Variants in CALN1 observed in about 807,000 individuals in gnomAD.
CALN1 encodes the protein calcium-binding protein 8.
Under a neutral mutation model 30.6 loss-of-function variants are expected in CALN1, and 17 were observed. That is an observed-to-expected ratio of 0.56 (90% CI 0.38 to 0.83). The LOEUF is 0.83. CALN1 is among the 40% of genes least tolerant of loss of function. The pLI is 0.00. For synonymous variants in CALN1, 156 were observed against 131.4 expected (o/e 1.19, Z -1.28); for missense variants, 291 against 354.9 (o/e 0.82, Z 1.45).
chr7:71,947,833 G>C (rs564119426), intron 5 of CALN1, among the ~76,000 whole-genome samples: 1 of 151,664 alleles, frequency 6.6e-6, no homozygotes, highest in African/African-American at 2.4e-5. Flanking sequence ...CCAGCTACTC[G>C]GGAGGCTGAG....
intron 4 of CALN1, among the ~76,000 whole-genome samples, chr7:72,024,695 G>C (rs763245362): frequency 1.3e-5 from 2 of 152,006 alleles, no homozygotes; most frequent in Admixed American, 1.3e-4. Flanking sequence ...CACCATGCCC[G>C]GCCTGAACAG....
At chr7:72,441,529 CAG>C (rs1808342515) in intron 1 of CALN1, among the ~76,000 whole-genome samples, 1 of 140,898 alleles carries the variant, frequency 7.1e-6, no homozygotes. Context: ...ACCCAGGAGG[CAG>C]AGTTTGCAGT....
intron 2 of CALN1, among the ~76,000 whole-genome samples, chr7:72,388,569 G>A (rs973243287): frequency 2.6e-5 from 4 of 152,102 alleles, no homozygotes; most frequent in African/African-American, 9.7e-5. Context: ...TGGGGATATG[G>A]GCACTCTGTG....
chr7:72,294,321 G>A (rs1016139036), intron 2 of CALN1, among the ~76,000 whole-genome samples: 1 of 152,154 alleles, frequency 6.6e-6, no homozygotes, highest in African/African-American at 2.4e-5. Context: ...AAAAAACATT[G>A]AAGTACAGTG....
At chr7:71,843,789 T>C (rs1451584826) in intron 5 of CALN1, among the ~76,000 whole-genome samples, 2 of 152,204 alleles carry the variant, frequency 1.3e-5, no homozygotes, top group African/African-American at 4.8e-5. Context: ...GTATGCTAAA[T>C]GCCAGCAGCC....
At chr7:72,218,831 AAGG>A (rs1298712303) in intron 3 of CALN1, among the ~76,000 whole-genome samples, 1 of 152,180 alleles carries the variant, frequency 6.6e-6, no homozygotes, top group African/African-American at 2.4e-5. Flanking sequence ...TTTTCCTCTG[AAGG>A]AGAAGTGCCT....
chr7:71,986,157 C>T (rs1761630591), intron 5 of CALN1, among the ~76,000 whole-genome samples: 1 of 152,086 alleles, frequency 6.6e-6, no homozygotes, highest in Admixed American at 6.5e-5. Context: ...AAGCAATTCT[C>T]CTGCGTCAGC....
chr7:72,279,460 C>T (rs1797586723), intron 2 of CALN1, among the ~76,000 whole-genome samples: 1 of 152,204 alleles, frequency 6.6e-6, no homozygotes, highest in East Asian at 1.9e-4. Flanking sequence ...CTGCTGGAAA[C>T]AGGAGTGACG....
intron 1 of CALN1, among the ~76,000 whole-genome samples, chr7:72,411,418 G>A (rs529133246): frequency 5.3e-5 from 8 of 152,228 alleles, no homozygotes; most frequent in Non-Finnish European, 8.8e-5. Context: ...AGAGAAAAGA[G>A]CTGTAAATAT....
intron 3 of CALN1, among the ~76,000 whole-genome samples, chr7:72,208,600 G>A (rs183756632): frequency 3.2e-3 from 485 of 152,322 alleles, no homozygotes; most frequent in Middle Eastern, 6.8e-3. Flanking sequence ...TTCCACCTGG[G>A]TGGCAGAATG....
chr7:72,217,466 T>C (rs1486325336), intron 3 of CALN1, among the ~76,000 whole-genome samples: 3 of 152,172 alleles, frequency 2.0e-5, no homozygotes, highest in Non-Finnish European at 2.9e-5. Context: ...TCACCGCTTC[T>C]ATAGCAACCA....
intron 5 of CALN1, among the ~76,000 whole-genome samples, chr7:71,940,341 C>T (rs996487442): frequency 6.6e-6 from 1 of 152,158 alleles, no homozygotes; most frequent in South Asian, 2.1e-4. Context: ...GGCTGACTTA[C>T]TAGCCATTAA....
chr7:71,798,305 T>C (rs1037185474), intron 6 of CALN1, among the ~76,000 whole-genome samples: 6 of 127,288 alleles, frequency 4.7e-5, no homozygotes, highest in Non-Finnish European at 9.1e-5. Flanking sequence ...ACCCAAACTA[T>C]ATTTTATTTA....
chr7:71,989,325 C>A (rs1293551425), intron 5 of CALN1, among the ~76,000 whole-genome samples: 1 of 152,042 alleles, frequency 6.6e-6, no homozygotes, highest in Admixed American at 6.6e-5. Flanking sequence ...GTAGTCCCAG[C>A]TACTCAGGAG....
chr7:72,367,709 C>CACAG (rs1282034471), intron 2 of CALN1, among the ~76,000 whole-genome samples: 3 of 148,652 alleles, frequency 2.0e-5, no homozygotes, highest in Non-Finnish European at 3.0e-5. Flanking sequence ...GTGGCACACG[C>CACAG]CTGTGGTCCC....
chr7:72,324,693 T>C (rs1484572333), intron 2 of CALN1, among the ~76,000 whole-genome samples: 1 of 152,070 alleles, frequency 6.6e-6, no homozygotes, highest in Admixed American at 6.6e-5. Flanking sequence ...GTGATTCTCC[T>C]GCCTCAGCCT....
intron 3 of CALN1, among the ~76,000 whole-genome samples, chr7:72,222,158 A>G (rs1433574045): frequency 6.6e-6 from 1 of 151,990 alleles, no homozygotes; most frequent in Non-Finnish European, 1.5e-5. Flanking sequence ...CCTGAGAGGC[A>G]GAGATTGCAG....
intron 1 of CALN1, among the ~76,000 whole-genome samples, chr7:72,429,381 C>T (rs755940428): frequency 6.6e-6 from 1 of 152,092 alleles, no homozygotes; most frequent in Non-Finnish European, 1.5e-5. Flanking sequence ...TCGAAAATAT[C>T]CCCCAAAAAT....
chr7:72,050,138 T>C (rs1802746238), intron 4 of CALN1, among the ~76,000 whole-genome samples: 1 of 152,122 alleles, frequency 6.6e-6, no homozygotes, highest in South Asian at 2.1e-4. Context: ...TATTAATTGA[T>C]GTCCCTGTTT....
Sources: allele counts gnomAD v4.1 joint callset (sites outside exome capture counted in the v4.1 genomes callset), GRCh38; gene constraint gnomAD v4.1.1; transcripts MANE v1.5; gene names NCBI Gene and HGNC (gene_info 2026-07-23, HGNC 2026-07-21).